Variants in FLT4 observed in about 807,000 individuals in gnomAD.
FLT4 encodes vascular endothelial growth factor receptor 3.
A neutral mutation model predicts 163.2 loss-of-function variants in FLT4; 30 were observed. The ratio of observed to expected loss-of-function variants is 0.18; its 90% CI spans 0.14 to 0.25. FLT4 has a LOEUF of 0.25. FLT4 is among the 10% of genes least tolerant of loss of function. The pLI is 1.00. For missense variants in FLT4, 1,510 were observed against 1,863.8 expected, an observed-to-expected ratio of 0.81 and a Z score of 3.50; for synonymous variants, 884 against 789.5, an observed-to-expected ratio of 1.12 and a Z score of -2.01.
chr5:180,621,787 C>T lies in FLT4; in HGVS notation c.1775G>A (p.Arg592His), dbSNP rs1204416992. 1 of 1,613,396 alleles carries T rather than the reference C, an allele frequency of 6.2e-7. No individual in the cohort carries two copies. Among genetic ancestry groups the T allele is most frequent in the Non-Finnish European group, 8.5e-7 (1 of 1,180,006 alleles). Residue 592 changes from arginine (R) to histidine (H), a missense_variant, in exon 13 of 30, where the codon CGC becomes CAC. Physicochemically the swap from Arg to His is conservative, Grantham distance 29. Coordinates refer to ENST00000261937, the MANE Select transcript of FLT4 (RefSeq NM_182925.5). ...ATCGTGCAGCGTGGACAGGTTGAGGCGGTACCAGCGCAGATGCTCGTACTT... is the reference window on the plus strand; with the variant it reads ...ATCGTGCAGCGTGGACAGGTTGAGGTGGTACCAGCGCAGATGCTCGTACTT... ...SYKYEHLRWY[R>H]LNLSTLHDAH... is the part of the protein sequence containing the mutation.
intron 1 of FLT4, among the ~76,000 whole-genome samples, chr5:180,641,932 G>T (rs917310566): frequency 3.3e-5 from 5 of 152,198 alleles, no homozygotes; most frequent in African/African-American, 1.2e-4. Context: ...CTGTCGGCTG[G>T]GCACAGTGGC....
chr5:180,648,683 C>T (rs890674553), intron 1 of FLT4, among the ~76,000 whole-genome samples: 6 of 152,208 alleles, frequency 3.9e-5, no homozygotes, highest in Non-Finnish European at 7.3e-5. Context: ...CTCTTTCCAA[C>T]CCCTCCGCCT....
chr5:180,621,321 A>G lies in FLT4; in HGVS notation c.2021-69T>C, dbSNP rs547775962. ...GCAGGAGGACCCTCTTTGGGCTGGGAGCAGAGGTAGAAAAGGATCCCTGGA... is the reference window on the plus strand; with the variant it reads ...GCAGGAGGACCCTCTTTGGGCTGGGGGCAGAGGTAGAAAAGGATCCCTGGA... On this transcript the variant is annotated intron_variant, in intron 13 of 29. Coordinates refer to ENST00000261937, the MANE Select transcript of FLT4 (RefSeq NM_182925.5). 60 of 1,544,506 alleles carry G rather than the reference A, an allele frequency of 3.9e-5. No individual in the cohort carries two copies. In the South Asian group the frequency reaches 6.9e-4, roughly 18 times the overall value.
intron 12 of FLT4, among the ~76,000 whole-genome samples, chr5:180,622,374 T>C (rs750359194): frequency 6.6e-6 from 1 of 152,040 alleles, no homozygotes; most frequent in Non-Finnish European, 1.5e-5. Flanking sequence ...CTACCACATT[T>C]GAAAATCTGA....
chr5:180,608,893 C>T, intron 29 of FLT4, 75 bp downstream of exon 29: 1 of 1,296,864 alleles, frequency 7.7e-7, no homozygotes, highest in South Asian at 1.2e-5. Context: ...CTGGGCACAC[C>T]CAGACCCCAG....
intron 23 of FLT4, 41 bp downstream of exon 23, chr5:180,616,326 G>A: frequency 6.2e-7 from 1 of 1,613,200 alleles, no homozygotes; most frequent in South Asian, 1.1e-5. Flanking sequence ...CCCTTCACCT[G>A]TTCCGCCCCA....
chr5:180,646,107 G>T (rs900164158), intron 1 of FLT4, among the ~76,000 whole-genome samples: 8 of 152,044 alleles, frequency 5.3e-5, no homozygotes, highest in Non-Finnish European at 1.0e-4. Flanking sequence ...ATACTCAAGT[G>T]CTCCCAACTT....
chr5:180,636,500 C>G lies in FLT4; in HGVS notation c.59-4722G>C, dbSNP rs1049047361. Among the ~76,000 whole-genome samples, 1 of 148,748 alleles carries G rather than the reference C, an allele frequency of 6.7e-6. No individual in the cohort carries two copies. Among genetic ancestry groups the G allele is most frequent in the Non-Finnish European group, 1.5e-5 (1 of 67,158 alleles). On this transcript the variant is annotated intron_variant, in intron 1 of 29. Coordinates refer to ENST00000261937, the MANE Select transcript of FLT4 (RefSeq NM_182925.5). The surrounding 1 kb of genome is among the most constrained non-coding windows in gnomAD (Gnocchi z 4.3). ...CCATTAAAGCTGTCATCAGCTGCAC[C>G]CCCCCGTCACTTCCCCTCATTCTCT...
intron 10 of FLT4, among the ~76,000 whole-genome samples, 197 bp from the exon 11 acceptor site, chr5:180,624,258 C>T (rs1173313452): frequency 5.4e-5 from 8 of 148,830 alleles, no homozygotes; most frequent in Admixed American, 4.0e-4. Flanking sequence ...CGGAGTTTCA[C>T]TCTTGTTGCC....
At position 180,630,966 on chromosome 5, in the gene FLT4, C is replaced by T. The variant is rs1000201963; in HGVS notation, c.156-167G>A. Among the ~76,000 whole-genome samples, 12 of 152,080 alleles carry T rather than the reference C, an allele frequency of 7.9e-5. No homozygotes were observed. Among genetic ancestry groups the T allele is most frequent in the African/African-American group, 1.4e-4 (6 of 41,412 alleles). On this transcript the variant is annotated intron_variant, in intron 2 of 29. Transcript: ENST00000261937. This position sits in a 1 kb window ranked among gnomAD's most constrained non-coding sequence, Gnocchi z 6.3. ...ACCGTGCCCAGGGCAGGGCACTCCCCGACCCCCGGGCCTCTACCAGGCTCC... is the reference window on the plus strand; with the variant it reads ...ACCGTGCCCAGGGCAGGGCACTCCCTGACCCCCGGGCCTCTACCAGGCTCC...
chr5:180,609,874 G>C (rs766271754), intron 28 of FLT4, 31 bp downstream of exon 28: 1 of 1,613,508 alleles, frequency 6.2e-7, no homozygotes, highest in Non-Finnish European at 8.5e-7. Context: ...CCTGAGCCGA[G>C]AGCGCAGCCC....
intron 29 of FLT4, among the ~76,000 whole-genome samples, chr5:180,604,852 G>C (rs1466882131): frequency 1.3e-5 from 2 of 152,052 alleles, no homozygotes; most frequent in Non-Finnish European, 1.5e-5. Flanking sequence ...TGATCCTTTT[G>C]CCTCTTTTCA....
chr5:180,629,212 G>C, intron 7 of FLT4, 47 bp downstream of exon 7: 1 of 1,608,940 alleles, frequency 6.2e-7, no homozygotes, highest in Non-Finnish European at 8.5e-7. Context: ...CGTGAGCTCT[G>C]GGCCCAGGCC....
rs149741433 is a variant in FLT4, at chr5:180,624,491, G to A, written c.1422-430C>T. On this transcript the variant is annotated intron_variant, in intron 10 of 29. Coordinates refer to ENST00000261937, the MANE Select transcript of FLT4 (RefSeq NM_182925.5). ...GATTGGTCTGCCTTGGCCTCCCAAAGCGCTGGGATTACAGGCGTGAGCCAC... is the reference window on the plus strand; with the variant it reads ...GATTGGTCTGCCTTGGCCTCCCAAAACGCTGGGATTACAGGCGTGAGCCAC... Among the ~76,000 whole-genome samples, 320 of 152,242 alleles carry A rather than the reference G, an allele frequency of 2.1e-3. 3 individuals carry two copies. The highest frequency in any genetic ancestry group is 7.3e-3 in the African/African-American group (302 of 41,540).
At chr5:180,629,181 C>T (rs1763886931) in intron 7 of FLT4, 78 bp downstream of exon 7, 12 of 1,575,624 alleles carry the variant, frequency 7.6e-6, no homozygotes, top group Non-Finnish European at 1.0e-5. Flanking sequence ...TCTGGCTGGA[C>T]TCCTGAGTGC....
intron 27 of FLT4, 145 bp from the exon 28 acceptor site, chr5:180,610,170 G>A: frequency 8.9e-7 from 1 of 1,124,844 alleles, no homozygotes; most frequent in South Asian, 1.4e-5. Flanking sequence ...CCTGAGTGCT[G>A]GCAGGGGCTC....
At chr5:180,647,567 G>A (rs1249226944) in intron 1 of FLT4, among the ~76,000 whole-genome samples, 2 of 151,582 alleles carry the variant, frequency 1.3e-5, no homozygotes, top group South Asian at 2.1e-4. Context: ...CCTGACACCC[G>A]ACTGCAGCTC....
At chr5:180,649,793 C>T (rs1765658439), upstream of FLT4, among the ~76,000 whole-genome samples, 1 of 151,982 alleles carries the variant, frequency 6.6e-6, no homozygotes, top group South Asian at 2.1e-4. Flanking sequence ...GCTCCGGGCG[C>T]GGGGACGCGG....
intron 2 of FLT4, among the ~76,000 whole-genome samples, 178 bp downstream of exon 2, chr5:180,631,504 T>A (rs112397619): frequency 0.013 from 1,981 of 149,772 alleles, 46 homozygotes; most frequent in African/African-American, 0.046. Context: ...GATGGGGGTG[T>A]GTGGTTGAGG....
Sources: gnomAD v4.1 joint callset for allele counts (sites outside exome capture counted in the v4.1 genomes callset) on GRCh38, gnomAD v4.1.1 for gene constraint, Gnocchi (gnomAD v3.1) non-coding constraint, MANE v1.5 for transcripts, NCBI Gene and HGNC (gene_info 2026-07-23, HGNC 2026-07-21) for gene names.